The following SHROOM3 variants were observed in gnomAD, a reference collection of about 807,000 sequenced individuals.
SHROOM3 encodes shroom family member 3.
Under a neutral mutation model 138.6 loss-of-function variants are expected in SHROOM3, and 47 were observed. The observed-to-expected ratio is 0.34, with a 90% CI of 0.27 to 0.43. SHROOM3 has a LOEUF of 0.43. Among genes scored for constraint, SHROOM3 ranks in the 20% least tolerant of loss-of-function variants. SHROOM3 has a pLI of 1.00. For missense variants in SHROOM3, 2,491 were observed against 2,596.5 expected, an observed-to-expected ratio of 0.96 and a Z score of 0.88; for synonymous variants, 1,062 against 1,063.3, an observed-to-expected ratio of 1.00 and a Z score of 0.02.
At chr4:76,555,390 G>A (rs1178306681) in intron 1 of SHROOM3, among the ~76,000 whole-genome samples, 2 of 152,126 alleles carry the variant, frequency 1.3e-5, no homozygotes, top group African/African-American at 2.4e-5. Context: ...GTTTAAGGGC[G>A]CCCTCCCTGG....
chr4:76,506,544 C>T (rs1222621174), intron 1 of SHROOM3, among the ~76,000 whole-genome samples: 1 of 152,220 alleles, frequency 6.6e-6, no homozygotes, highest in East Asian at 1.9e-4. Flanking sequence ...GTATCTTAGC[C>T]TGGCACATAG....
chr4:76,586,431 T>G (rs1314450251), intron 2 of SHROOM3: 1 of 985,332 alleles, frequency 1.0e-6, no homozygotes, highest in African/African-American at 1.7e-5. Context: ...AACAGATAAC[T>G]GAGGACAATG....
chr4:76,746,978 C>G (rs6532595), intron 5 of SHROOM3, among the ~76,000 whole-genome samples: 75,829 of 151,588 alleles, frequency 0.5, 19,947 homozygotes, highest in African/African-American at 0.66. Flanking sequence ...CACCAGGCCC[C>G]GGTAATTTTT....
At chr4:76,457,768 G>A (rs560491068) in intron 1 of SHROOM3, among the ~76,000 whole-genome samples, 1 of 151,174 alleles carries the variant, frequency 6.6e-6, no homozygotes, top group Non-Finnish European at 1.5e-5. Flanking sequence ...AGGATAACAG[G>A]CGTGAGCCAC....
chr4:76,529,739 C>T (rs924474200), intron 1 of SHROOM3, among the ~76,000 whole-genome samples: 16 of 152,206 alleles, frequency 1.1e-4, no homozygotes, highest in Non-Finnish European at 1.8e-4. Context: ...AGAGCTACCC[C>T]GACTTATTCT....
At chr4:76,475,644 C>T (rs778947055) in intron 1 of SHROOM3, among the ~76,000 whole-genome samples, 10 of 152,126 alleles carry the variant, frequency 6.6e-5, no homozygotes, top group Non-Finnish European at 1.3e-4. Context: ...TCTCACATTG[C>T]TTTTTGAATA....
At chr4:76,592,039 G>A (rs1734283817) in intron 2 of SHROOM3, among the ~76,000 whole-genome samples, 1 of 152,204 alleles carries the variant, frequency 6.6e-6, no homozygotes, top group Admixed American at 6.5e-5. Flanking sequence ...TCATATAATG[G>A]CAGAGAGCGT....
At chr4:76,672,203 A>G (rs1004700732) in intron 2 of SHROOM3, among the ~76,000 whole-genome samples, 2 of 152,180 alleles carry the variant, frequency 1.3e-5, no homozygotes, top group Non-Finnish European at 2.9e-5. Context: ...TTCTAATTCT[A>G]TAAATGAGAT....
chr4:76,629,570 G>A (rs1173174604), intron 2 of SHROOM3, among the ~76,000 whole-genome samples: 2 of 152,222 alleles, frequency 1.3e-5, no homozygotes, highest in Admixed American at 6.5e-5. Context: ...CAGTGAGGAG[G>A]CTGTGGCACG....
rs927726101 is a variant in SHROOM3, at chr4:76,440,530, A to T, written c.168+4310A>T. On this transcript the variant is annotated intron_variant, in intron 1 of 10. Coordinates refer to ENST00000296043, the MANE Select transcript of SHROOM3 (RefSeq NM_020859.4). ...TTTAAAAAATACATAGTCCAATAAG[A>T]TTCCATAAAATAGGTCTGACTACTG... is the stretch of plus-strand genomic sequence containing the variant. Among the ~76,000 whole-genome samples, 148 of 152,224 alleles carry T rather than the reference A, an allele frequency of 9.7e-4. 1 individual carries two copies. The highest frequency in any genetic ancestry group is 2.1e-4 in the Non-Finnish European group (14 of 68,040).
intron 1 of SHROOM3, among the ~76,000 whole-genome samples, chr4:76,534,705 A>G (rs192344772): frequency 6.6e-6 from 1 of 152,270 alleles, no homozygotes; most frequent in Admixed American, 6.5e-5. Context: ...TCATGATCAC[A>G]AGAGAAATGC....
intron 1 of SHROOM3, among the ~76,000 whole-genome samples, chr4:76,552,035 G>A (rs58095122): frequency 0.49 from 69,509 of 142,112 alleles, 17,622 homozygotes; most frequent in African/African-American, 0.59. Context: ...CTAATTTTTT[G>A]TATCTTTAGT....
intron 1 of SHROOM3, among the ~76,000 whole-genome samples, chr4:76,486,422 C>A (rs1307650694): frequency 1.3e-5 from 2 of 152,188 alleles, no homozygotes; most frequent in African/African-American, 2.4e-5. Flanking sequence ...GATCATGAAG[C>A]TTTACCTTGT....
intron 2 of SHROOM3, chr4:76,689,666 C>G (rs1410594539): frequency 2.0e-6 from 2 of 985,344 alleles, no homozygotes; most frequent in Non-Finnish European, 1.2e-6. Context: ...GAGCCCCGAG[C>G]AGCCCGGGGG....
intron 4 of SHROOM3, among the ~76,000 whole-genome samples, chr4:76,735,819 G>A (rs1721025110): frequency 1.6e-5 from 2 of 123,178 alleles, no homozygotes; most frequent in Non-Finnish European, 1.6e-5. Context: ...CGTCCTGGGC[G>A]ACAGACCGAG....
Position 76,764,883 on chromosome 4 carries a change from A to G in SHROOM3, c.5349+5188A>G, listed in dbSNP as rs190496887. ...TTCTGTAAATTTATGTCTTTCACCA[A>G]ATTCTGGAAGTTTTCAGCCATTCTG... On this transcript the variant is annotated intron_variant, in intron 9 of 10. Coordinates refer to ENST00000296043, the MANE Select transcript of SHROOM3 (RefSeq NM_020859.4). Among the ~76,000 whole-genome samples the G allele has an allele frequency of 1.7e-4, 26 of 152,270 alleles. No individual in the cohort carries two copies. The East Asian group carries it at 5.0e-3, about 29-fold the overall frequency.
At chr4:76,649,464 C>A (rs754310039) in intron 2 of SHROOM3, among the ~76,000 whole-genome samples, 1 of 152,146 alleles carries the variant, frequency 6.6e-6, no homozygotes, top group African/African-American at 2.4e-5. Context: ...TGGATTCAGC[C>A]TTTTCCCTGG....
At position 76,747,846 on chromosome 4, in the gene SHROOM3, A is replaced by C. The variant is rs563588157; in HGVS notation, c.3754-1171A>C. 2.0e-5 allele frequency among the ~76,000 whole-genome samples: 3 copies of C among 152,330 alleles called. No individual in the cohort carries two copies. The South Asian group carries it at 6.2e-4, about 32-fold the overall frequency. On this transcript the variant is annotated intron_variant, in intron 5 of 10. Transcript: ENST00000296043. ...ATCCAGCCCAGCTGCCATTCAACCTATAAAGATTCCATGGCAAGACCTTGG... is the reference window on the plus strand; with the variant it reads ...ATCCAGCCCAGCTGCCATTCAACCTCTAAAGATTCCATGGCAAGACCTTGG...
intron 2 of SHROOM3, among the ~76,000 whole-genome samples, chr4:76,606,875 T>TG (rs762778221): frequency 1.3e-5 from 2 of 152,302 alleles, no homozygotes; most frequent in East Asian, 3.9e-4. Context: ...TAGCAGCTTG[T>TG]AGAAAGTGGT....
Sources: allele counts gnomAD v4.1 joint callset (sites outside exome capture counted in the v4.1 genomes callset), GRCh38; gene constraint gnomAD v4.1.1; transcripts MANE v1.5; gene names NCBI Gene and HGNC (gene_info 2026-07-23, HGNC 2026-07-21).